Variants in CBLL1 observed in about 807,000 individuals in gnomAD.
CBLL1 encodes the protein Cbl proto-oncogene like 1.
Under a neutral mutation model 44.9 loss-of-function variants are expected in CBLL1, and 4 were observed. That is an observed-to-expected ratio of 0.09 (90% CI 0.04 to 0.20). The LOEUF is 0.20. Ranked by LOEUF, CBLL1 falls within the 10% of genes least tolerant of loss-of-function variation. The pLI is 1.00. For missense variants in CBLL1, 569 were observed against 636.7 expected (o/e 0.89, Z 1.14); for synonymous variants, 235 against 202.2 (o/e 1.16, Z -1.38).
Position 107,759,386 on chromosome 7 carries a change from G to T in CBLL1, c.*208G>T, listed in dbSNP as rs11971180. 2.2e-6 allele frequency: 1 copy of T among 446,542 alleles called. No individual in the cohort carries two copies. The highest frequency in any genetic ancestry group is 3.9e-6 in the Non-Finnish European group (1 of 253,688). 27.7% of individuals were successfully genotyped at this position (446,542 alleles called of 1,614,324 possible). A position where few individuals can be genotyped will look rare whatever the true frequency, so the allele number is the denominator to read the frequency against. On this transcript the variant is annotated 3_prime_UTR_variant, in exon 6 of 6. Coordinates refer to ENST00000440859, the MANE Select transcript of CBLL1 (RefSeq NM_024814.4). ...TAGTACAGATAAGTGGCTCAGTTGA[G>T]CACAGCTATATTTTAACATCTCTTT... is the stretch of plus-strand genomic sequence containing the variant.
At chr7:107,754,130 T>C in intron 4 of CBLL1, 152 bp downstream of exon 4, 1 of 401,108 alleles carries the variant, frequency 2.5e-6, no homozygotes, top group South Asian at 7.3e-5. Flanking sequence ...ATACTATGAA[T>C]TTAATATGAT....
rs750032451 is a variant in CBLL1 at position 107,758,767 on chromosome 7, G to A, written c.1065G>A (p.Met355Ile). 3 of 1,613,180 alleles carry A rather than the reference G, an allele frequency of 1.9e-6. No homozygotes were observed. In the East Asian group the frequency reaches 6.7e-5, roughly 36 times the overall value. The change falls in exon 6 of 6, where the codon ATG becomes ATA. Residue 355 changes from methionine (M) to isoleucine (I), a missense_variant. Met to Ile is a conservative substitution (Grantham distance 10). Around this residue, in one of 5 missense-constraint regions of CBLL1, gnomAD observed 228 missense variants for 253.2 expected, o/e 0.90. Coordinates refer to ENST00000440859, the MANE Select transcript of CBLL1 (RefSeq NM_024814.4). The surrounding 1 kb of genome is among the most constrained non-coding windows in gnomAD (Gnocchi z 4.2). ...PPPPPPISHP[M>I]PHPPQAAGTP... is the part of the protein sequence containing the mutation. ...CTCCACCACCAATAAGCCATCCAATGCCACATCCTCCCCAGGCTGCAGGTA... is the reference window on the plus strand; with the variant it reads ...CTCCACCACCAATAAGCCATCCAATACCACATCCTCCCCAGGCTGCAGGTA...
At chr7:107,756,355 G>C (rs548745546) in intron 5 of CBLL1, among the ~76,000 whole-genome samples, 1 of 152,282 alleles carries the variant, frequency 6.6e-6, no homozygotes, top group Non-Finnish European at 1.5e-5. Flanking sequence ...CACCAGGAGA[G>C]AAAGGGGTGA....
intron 1 of CBLL1, among the ~76,000 whole-genome samples, chr7:107,748,372 C>T (rs1017253700): frequency 6.6e-6 from 1 of 152,186 alleles, no homozygotes; most frequent in Non-Finnish European, 1.5e-5. Context: ...AATCACATTT[C>T]TTAACTTCAT....
At position 107,752,522 on chromosome 7, in the gene CBLL1, T is replaced by C. The variant is rs116655153; in HGVS notation, c.182-889T>C. On this transcript the variant is annotated intron_variant, in intron 2 of 5. Coordinates refer to ENST00000440859, the MANE Select transcript of CBLL1 (RefSeq NM_024814.4). ...CATGTGGGTAAAGTTAAAACTTGTG[T>C]GCTTGGCTACTCTGTTTACCAGTTC... 3,677 of 1,277,838 alleles carry C rather than the reference T, an allele frequency of 2.9e-3. 64 individuals carry two copies. The African/African-American group carries it at 0.049, about 17-fold the overall frequency. 79.2% of individuals were successfully genotyped at this position (1,277,838 alleles called of 1,614,324 possible). A position where few individuals can be genotyped will look rare whatever the true frequency, so the allele number is the denominator to read the frequency against.
At position 107,760,694 on chromosome 7, in the gene CBLL1, ATAGT is replaced by A. The variant is rs1000388321; in HGVS notation, c.*1518_*1521del. On this transcript the variant is annotated 3_prime_UTR_variant, in exon 6 of 6. Coordinates refer to ENST00000440859, the MANE Select transcript of CBLL1 (RefSeq NM_024814.4). ...GTAGTATGCAGATATCATTTATTAG[ATAGT>A]TTGTAGTGTATACATTTAGAACATA... The A allele has an allele frequency of 6.6e-6, 1 of 152,164 alleles. No homozygotes were observed. Among genetic ancestry groups the A allele is most frequent in the African/African-American group, 2.4e-5 (1 of 41,442 alleles). The allele number at this position is 152,164 out of a possible 1,614,324, so 9.4% of individuals were successfully genotyped here.
At position 107,759,272 on chromosome 7, in the gene CBLL1, C is replaced by T. The variant is rs1459971917; in HGVS notation, c.*94C>T. Reference sequence around the variant, plus strand: ...ACTGTTTTGGGAAGGAAGAGTACCTCTTATCGAGGTAGTATAAAACACATA... The same window carrying T: ...ACTGTTTTGGGAAGGAAGAGTACCTTTTATCGAGGTAGTATAAAACACATA... On this transcript the variant is annotated 3_prime_UTR_variant, in exon 6 of 6. Coordinates refer to ENST00000440859, the MANE Select transcript of CBLL1 (RefSeq NM_024814.4). 1.8e-6 allele frequency: 2 copies of T among 1,097,546 alleles called. No homozygotes were observed. Among genetic ancestry groups the T allele is most frequent in the South Asian group, 3.0e-5 (2 of 65,600 alleles). 68.0% of individuals were successfully genotyped at this position (1,097,546 alleles called of 1,614,324 possible). A position where few individuals can be genotyped will look rare whatever the true frequency, so the allele number is the denominator to read the frequency against.
chr7:107,744,147 G>T lies in CBLL1; in HGVS notation c.-17G>T. 1 of 1,552,650 alleles carries T rather than the reference G, an allele frequency of 6.4e-7. No individual in the cohort carries two copies. The highest frequency in any genetic ancestry group is 1.2e-5 in the South Asian group (1 of 84,110). ...CGCGGTTGACTTCCGCTCCCACTGT[G>T]CTCTGCGAGCCGAATCATGGATCAC... On this transcript the variant is annotated 5_prime_UTR_variant, in exon 1 of 6. Transcript: ENST00000440859.
intron 1 of CBLL1, among the ~76,000 whole-genome samples, chr7:107,746,363 C>T (rs1793015228): frequency 6.6e-6 from 1 of 152,094 alleles, no homozygotes; most frequent in African/African-American, 2.4e-5. Flanking sequence ...AAAATTAGTT[C>T]CCTCTCAGAT....
At chr7:107,751,124 G>C (rs1373919819) in intron 2 of CBLL1, among the ~76,000 whole-genome samples, 1 of 152,136 alleles carries the variant, frequency 6.6e-6, no homozygotes, top group Non-Finnish European at 1.5e-5. Context: ...TTTTCCACAG[G>C]TGGAGAGTGA....
intron 2 of CBLL1, among the ~76,000 whole-genome samples, chr7:107,751,963 G>T (rs1480937328): frequency 6.6e-6 from 1 of 152,096 alleles, no homozygotes; most frequent in African/African-American, 2.4e-5. Flanking sequence ...ACTTTGGGAG[G>T]CTGAGACGGG....
chr7:107,751,225 GT>G (rs899523629), intron 2 of CBLL1, among the ~76,000 whole-genome samples: 6 of 152,026 alleles, frequency 3.9e-5, no homozygotes, highest in Admixed American at 2.0e-4. Flanking sequence ...CTCTTGCACG[GT>G]TCACAATAGG....
chr7:107,759,413 T>G lies in CBLL1; in HGVS notation c.*235T>G. Reference sequence around the variant, plus strand: ...ACAGCTATATTTTAACATCTCTTTGTTCCCCTAGTTTAGTAAATTGACCCA... The same window carrying G: ...ACAGCTATATTTTAACATCTCTTTGGTCCCCTAGTTTAGTAAATTGACCCA... On this transcript the variant is annotated 3_prime_UTR_variant, in exon 6 of 6. Transcript: ENST00000440859. 2.6e-6 allele frequency: 1 copy of G among 381,582 alleles called. No homozygotes were observed. Among genetic ancestry groups the G allele is most frequent in the Non-Finnish European group, 4.7e-6 (1 of 213,022 alleles). The allele number at this position is 381,582 out of a possible 1,614,324, so 23.6% of individuals were successfully genotyped here.
At chr7:107,749,164 C>T (rs1002853798) in intron 2 of CBLL1, 117 bp downstream of exon 2, 4 of 828,586 alleles carry the variant, frequency 4.8e-6, no homozygotes, top group Admixed American at 6.3e-5. Context: ...CATTCTTCAA[C>T]CTTCTTGTTT....
Position 107,748,936 on chromosome 7 carries a change from A to C in CBLL1, c.70A>C (p.Arg24=). 6.2e-7 allele frequency: 1 copy of C among 1,614,116 alleles called. No homozygotes were observed. The highest frequency in any genetic ancestry group is 8.5e-7 in the Non-Finnish European group (1 of 1,179,958). Residue 24 remains arginine, a synonymous_variant, in exon 2 of 6, where the codon AGA becomes CGA. Transcript: ENST00000440859. The part of the protein sequence containing the change: ...SGSLGGLDVR[R]RIPIKLISKQ... ...ATCCTTGGGTGGTCTTGATGTTCGC[A>C]GACGAATTCCTATAAAGCTCATCTC...
At position 107,755,429 on chromosome 7, in the gene CBLL1, G is replaced by A; in HGVS notation, c.378G>A (p.Lys126=). The A allele has an allele frequency of 6.3e-7, 1 of 1,578,006 alleles. No homozygotes were observed. The highest frequency in any genetic ancestry group is 1.8e-5 in the Admixed American group (1 of 57,068). Residue 126 remains lysine (K), a synonymous_variant, in exon 5 of 6, where the codon AAG becomes AAA. Coordinates refer to ENST00000440859, the MANE Select transcript of CBLL1 (RefSeq NM_024814.4). ...IKIYGRMIPC[K]HVFCYDCAIL... ...GTCTTTGTTTACAGATTCCATGCAA[G>A]CATGTTTTTTGCTATGACTGTGCTA...
intron 1 of CBLL1, among the ~76,000 whole-genome samples, chr7:107,745,675 G>T (rs1245861285): frequency 2.0e-5 from 3 of 152,170 alleles, no homozygotes; most frequent in Non-Finnish European, 1.5e-5. Context: ...GGGAAGGGAA[G>T]GTTGGTTTGG....
intron 1 of CBLL1, chr7:107,744,424 G>A: frequency 2.3e-6 from 1 of 444,428 alleles, no homozygotes; most frequent in Non-Finnish European, 3.9e-6. Flanking sequence ...TGAGCTCCGA[G>A]CCCGGACCAG....
At chr7:107,749,255 A>G (rs1793160907) in intron 2 of CBLL1, 2 of 389,100 alleles carry the variant, frequency 5.1e-6, no homozygotes, top group South Asian at 6.4e-5. Context: ...GTTGAAAGCA[A>G]TACTGCCCAT....
Sources: allele counts gnomAD v4.1 joint callset (sites outside exome capture counted in the v4.1 genomes callset), GRCh38; gene constraint gnomAD v4.1.1; regional missense constraint gnomAD v4.1.1; non-coding constraint Gnocchi (gnomAD v3.1); transcripts MANE v1.5; gene names NCBI Gene and HGNC (gene_info 2026-07-23, HGNC 2026-07-21).